MYSM1: variants seen among roughly 807,000 people sequenced by gnomAD.
The protein encoded by MYSM1 is Myb like, SWIRM and MPN domains 1, also known as deubiquitinase MYSM1.
In MYSM1, 51 loss-of-function variants were observed where a neutral mutation model predicts 116.0. The ratio of observed to expected loss-of-function variants is 0.44; its 90% CI spans 0.35 to 0.56. The LOEUF (loss-of-function observed/expected upper bound fraction) is 0.56, where lower values mean the gene tolerates loss of function less well. MYSM1 is among the 20% of genes least tolerant of loss of function. The probability of loss-of-function intolerance (pLI) is 0.00; values close to 1 mark genes in which losing one functional copy is unlikely to be tolerated. For missense variants in MYSM1, 900 were observed against 974.9 expected, an observed-to-expected ratio of 0.92 and a Z score of 1.02; for synonymous variants, 313 against 315.2, an observed-to-expected ratio of 0.99 and a Z score of 0.07.
In MYSM1 at chr1:58,655,845, C is replaced by T. The variant is rs1295320936; in HGVS notation, c.*4152G>A. ...AAAAATGTGTGTGCTTTTCTTTGTG[C>T]TTGGATAAAAGAAGTTTTCCTAAAT... On this transcript the variant is annotated 3_prime_UTR_variant, in exon 20 of 20. Transcript: ENST00000472487. 2.0e-5 allele frequency: 3 copies of T among 151,846 alleles called. No homozygotes were observed. Among genetic ancestry groups the T allele is most frequent in the Non-Finnish European group, 4.4e-5 (3 of 67,980 alleles). The allele number at this position is 151,846 out of a possible 1,614,324, so 9.4% of individuals were successfully genotyped here.
At chr1:58,694,550 G>C (rs1644946493) in intron 2 of MYSM1, among the ~76,000 whole-genome samples, 1 of 152,030 alleles carries the variant, frequency 6.6e-6, no homozygotes, top group South Asian at 2.1e-4. Context: ...GAATGTGGGA[G>C]GCAGAGGTTG....
Position 58,695,201 on chromosome 1 carries a change from A to G in MYSM1, c.75T>C (p.Gly25=). The change falls in exon 2 of 20, where the codon GGT becomes GGC. Residue 25 remains glycine, a synonymous_variant. Coordinates refer to ENST00000472487, the MANE Select transcript of MYSM1 (RefSeq NM_001085487.3). The part of the protein sequence containing the change: ...VAAAGAQPGS[G]ENTASVLQKD... ...TTTGTAAAACTGATGCTGTATTTTC[A>G]CCACTTCTGTAATAATTAAGAAAAT... 6.3e-7 allele frequency: 1 copy of G among 1,593,308 alleles called. No individual in the cohort carries two copies. The highest frequency in any genetic ancestry group is 8.6e-7 in the Non-Finnish European group (1 of 1,161,856).
In MYSM1 at chr1:58,657,381, A is replaced by G. The variant is rs1644332961; in HGVS notation, c.*2616T>C. ...ATTATTAAAGGCAGGTGTTCCTTTG[A>G]GACTCTGCCTCCTGAACTTCCTGTA... On this transcript the variant is annotated 3_prime_UTR_variant, in exon 20 of 20. Transcript: ENST00000472487. The G allele has an allele frequency of 6.6e-6, 1 of 152,102 alleles. No homozygotes were observed. Among genetic ancestry groups the G allele is most frequent in the Non-Finnish European group, 1.5e-5 (1 of 68,022 alleles). 9.4% of individuals were successfully genotyped at this position (152,102 alleles called of 1,614,324 possible).
rs200332579 is a variant in MYSM1 at position 58,700,053 on chromosome 1, G to A, written c.-1C>T. The A allele has an allele frequency of 2.5e-6, 4 of 1,613,632 alleles. No homozygotes were observed. Among genetic ancestry groups the A allele is most frequent in the Non-Finnish European group, 3.4e-6 (4 of 1,179,968 alleles). On this transcript the variant is annotated 5_prime_UTR_variant, in exon 1 of 20. Transcript: ENST00000472487. ...CCACATCCGCCTCTTCAGCCGCCAT[G>A]ATGGGACCTGACCCCGTCCGTCCTC...
chr1:58,694,431 G>A (rs1644944349), intron 2 of MYSM1, among the ~76,000 whole-genome samples: 1 of 151,820 alleles, frequency 6.6e-6, no homozygotes. Flanking sequence ...GGTCAGCTTG[G>A]CCAACATGGT....
chr1:58,667,461 G>A (rs1644491377), intron 15 of MYSM1, among the ~76,000 whole-genome samples: 1 of 152,114 alleles, frequency 6.6e-6, no homozygotes, highest in Non-Finnish European at 1.5e-5. Context: ...AGTTTTCCAG[G>A]TCAGCCCACA....
chr1:58,654,975 T>C lies in MYSM1; in HGVS notation c.*5022A>G, dbSNP rs984297923. ...ATTTAAATGTACAAAATAGTTGAAATTACATTTTATCACAGAACATTCCAA... is the reference window on the plus strand; with the variant it reads ...ATTTAAATGTACAAAATAGTTGAAACTACATTTTATCACAGAACATTCCAA... On this transcript the variant is annotated 3_prime_UTR_variant, in exon 20 of 20. Transcript: ENST00000472487. 6.6e-6 allele frequency: 1 copy of C among 152,144 alleles called. No homozygotes were observed. 9.4% of individuals were successfully genotyped at this position (152,144 alleles called of 1,614,324 possible).
Position 58,688,004 on chromosome 1 carries a change from T to C in MYSM1, c.399+1034A>G, listed in dbSNP as rs2179658. ...AGACCTAACATTATGTATCTGGTCT[T>C]TGATAAGGGGCAAAACACCAAAGTT... On this transcript the variant is annotated intron_variant, in intron 6 of 19. Coordinates refer to ENST00000472487, the MANE Select transcript of MYSM1 (RefSeq NM_001085487.3). Among the ~76,000 whole-genome samples the C allele has an allele frequency of 6.2e-3, 950 of 152,220 alleles. 9 individuals carry two copies. The highest frequency in any genetic ancestry group is 0.021 in the African/African-American group (859 of 41,540).
At chr1:58,681,388 G>C (rs1211347091) in intron 8 of MYSM1, among the ~76,000 whole-genome samples, 1 of 152,304 alleles carries the variant, frequency 6.6e-6, no homozygotes, top group Non-Finnish European at 1.5e-5. Context: ...AAGTGTTTCT[G>C]CAATCTGGCC....
intron 14 of MYSM1, chr1:58,668,398 T>G: frequency 8.1e-7 from 1 of 1,240,250 alleles, no homozygotes. Context: ...TAAAATAGGG[T>G]TAATGATGGT....
chr1:58,693,367 C>T lies in MYSM1; in HGVS notation c.148-436G>A, dbSNP rs150661308. ...CGCTCCAAGTTAAGTATTTTCAGCT[C>T]ATATCTCTTCTTCAAGCTCTAGGCC... On this transcript the variant is annotated intron_variant, in intron 2 of 19. Transcript: ENST00000472487. 2.2e-3 allele frequency among the ~76,000 whole-genome samples: 337 copies of T among 152,278 alleles called. 3 individuals carry two copies. The highest frequency in any genetic ancestry group is 0.01 in the Middle Eastern group (3 of 294).
intron 12 of MYSM1, among the ~76,000 whole-genome samples, chr1:58,670,078 A>T (rs1644538004): frequency 6.6e-6 from 1 of 152,190 alleles, no homozygotes; most frequent in African/African-American, 2.4e-5. Flanking sequence ...TTCCATTTCC[A>T]TTCAACCATA....
Position 58,690,166 on chromosome 1 carries a change from T to A in MYSM1, c.320+60A>T, listed in dbSNP as rs565567163. 20 of 1,350,164 alleles carry A rather than the reference T, an allele frequency of 1.5e-5. No individual in the cohort carries two copies. In the South Asian group the frequency reaches 2.9e-4, roughly 20 times the overall value. The allele number at this position is 1,350,164 out of a possible 1,614,324, so 83.6% of individuals were successfully genotyped here. On this transcript the variant is annotated intron_variant, in intron 5 of 19. Coordinates refer to ENST00000472487, the MANE Select transcript of MYSM1 (RefSeq NM_001085487.3). ...CAGGCCAACTATAATTAAAAAAAAA[T>A]TATTCCATAATTTTTAACTAATGAA...
At chr1:58,687,120 A>C (rs536806493) in intron 6 of MYSM1, among the ~76,000 whole-genome samples, 1 of 152,204 alleles carries the variant, frequency 6.6e-6, no homozygotes. Flanking sequence ...AGCCTGAGAG[A>C]ATTCAGTCTG....
chr1:58,668,906 C>T (rs180936252), intron 13 of MYSM1, 78 bp downstream of exon 13: 37 of 1,163,950 alleles, frequency 3.2e-5, no homozygotes, highest in South Asian at 8.3e-5. Context: ...CTTGCACATA[C>T]GGAAAAAGAG....
rs367613485 is a variant in MYSM1, at chr1:58,671,947, A to T, written c.1584T>A (p.Ala528=). The part of the protein sequence containing the change: ...LEGQTFEHLS[A]EELAKRREEE... ...CTTCTCTTCTTTTTGCCAACTCCTC[A>T]GCAGAGAGATGCTAAAACAAAATGC... Residue 528 remains alanine (A), a synonymous_variant, in exon 12 of 20, where the codon GCT becomes GCA. Transcript: ENST00000472487. 20 of 1,612,840 alleles carry T rather than the reference A, an allele frequency of 1.2e-5. No homozygotes were observed. Among genetic ancestry groups the T allele is most frequent in the Admixed American group, 3.3e-5 (2 of 59,818 alleles).
intron 8 of MYSM1, among the ~76,000 whole-genome samples, chr1:58,680,551 G>A (rs1644723545): frequency 6.6e-6 from 1 of 152,186 alleles, no homozygotes; most frequent in Non-Finnish European, 1.5e-5. Flanking sequence ...CCTCCTTTAA[G>A]AATACAGCCA....
Position 58,670,357 on chromosome 1 carries a change from T to C in MYSM1, c.1662-1319A>G, listed in dbSNP as rs566340292. On this transcript the variant is annotated intron_variant, in intron 12 of 19. Transcript: ENST00000472487. ...TGAGGAACTGCAGAGAATGGGAAAG[T>C]TGCTGAAGGACTAGAAATAGACAAT... 1.1e-4 allele frequency among the ~76,000 whole-genome samples: 16 copies of C among 152,274 alleles called. No homozygotes were observed. In the South Asian group the frequency reaches 3.3e-3, roughly 32 times the overall value.
At chr1:58,681,017 A>G (rs1230163962) in intron 8 of MYSM1, among the ~76,000 whole-genome samples, 1 of 152,074 alleles carries the variant, frequency 6.6e-6, no homozygotes, top group Non-Finnish European at 1.5e-5. Context: ...TTTAGAAGGG[A>G]CAGGGTTTCA....
Sources: gnomAD v4.1 joint callset for allele counts (sites outside exome capture counted in the v4.1 genomes callset) on GRCh38, gnomAD v4.1.1 for gene constraint, MANE v1.5 for transcripts, NCBI Gene and HGNC (gene_info 2026-07-23, HGNC 2026-07-21) for gene names.